Variants in CNIH3 observed in about 807,000 individuals in gnomAD.
CNIH3 encodes protein cornichon homolog 3.
A neutral mutation model predicts 24.1 loss-of-function variants in CNIH3; 14 were observed. That is an observed-to-expected ratio of 0.58 (90% CI 0.38 to 0.91). The LOEUF (loss-of-function observed/expected upper bound fraction) is 0.91, where lower values mean the gene tolerates loss of function less well. CNIH3 is among the 40% of genes least tolerant of loss of function. CNIH3 has a pLI of 0.00. For missense variants in CNIH3, 178 were observed against 196.8 expected, an observed-to-expected ratio of 0.90 and a Z score of 0.57; for synonymous variants, 68 against 73.8, an observed-to-expected ratio of 0.92 and a Z score of 0.40.
intron 4 of CNIH3, among the ~76,000 whole-genome samples, chr1:224,573,923 T>TA (rs1025517980): frequency 1.3e-5 from 2 of 151,824 alleles, no homozygotes; most frequent in African/African-American, 2.4e-5. Flanking sequence ...TATGTTCTTT[T>TA]AAAAAAAAGC....
intron 1 of CNIH3, among the ~76,000 whole-genome samples, chr1:224,441,069 G>A (rs1043016066): frequency 2.6e-5 from 4 of 152,124 alleles, no homozygotes; most frequent in African/African-American, 9.7e-5. Flanking sequence ...GCCCCCCTCG[G>A]CCTCCCAAAG....
chr1:224,494,739 C>T (rs1677366457), intron 1 of CNIH3, among the ~76,000 whole-genome samples: 1 of 152,158 alleles, frequency 6.6e-6, no homozygotes, highest in African/African-American at 2.4e-5. Flanking sequence ...TAACAGGTGG[C>T]CCAGGTCAGG....
At position 224,616,518 on chromosome 1, in the gene CNIH3, G is replaced by A; in HGVS notation, c.-657G>A. 1 of 987,586 alleles carries A rather than the reference G, an allele frequency of 1.0e-6. No individual in the cohort carries two copies. Among genetic ancestry groups the A allele is most frequent in the South Asian group, 4.6e-5 (1 of 21,950 alleles). The allele number at this position is 987,586 out of a possible 1,614,324, so 61.2% of individuals were successfully genotyped here. A position where few individuals can be genotyped will look rare whatever the true frequency, so the allele number is the denominator to read the frequency against. ...CCGGCTGGCCGGAGTCACGGTTGGG[G>A]ACGGGCGCGCCTCGGAGCGCACGGC... On this transcript the variant is annotated 5_prime_UTR_variant, in exon 1 of 6. Coordinates refer to ENST00000272133, the MANE Select transcript of CNIH3 (RefSeq NM_152495.2).
rs952396386 is a variant in CNIH3 at position 224,650,574 on chromosome 1, G to A, written c.82-30384G>A. ...CTGTTCTTGGCTCTGGGACTTTGGG[G>A]CTGTTGTGTTGGCAAAACTTGGTGG... On this transcript the variant is annotated intron_variant, in intron 1 of 5. Transcript: ENST00000272133. Among the ~76,000 whole-genome samples the A allele has an allele frequency of 2.5e-4, 38 of 151,898 alleles. 1 individual carries two copies. Among genetic ancestry groups the A allele is most frequent in the Admixed American group, 5.9e-4 (9 of 15,238 alleles).
intron 2 of CNIH3, among the ~76,000 whole-genome samples, chr1:224,525,494 T>C (rs1444509326): frequency 1.3e-5 from 2 of 152,318 alleles, no homozygotes; most frequent in African/African-American, 4.8e-5. Flanking sequence ...AGTCAGGGTG[T>C]GTCCTTGTGA....
At chr1:224,590,349 T>C (rs1175757621), downstream of CNIH3, among the ~76,000 whole-genome samples, 1 of 152,248 alleles carries the variant, frequency 6.6e-6, no homozygotes, top group Non-Finnish European at 1.5e-5. Context: ...CTCCCTTTTT[T>C]GTGTAACTGC....
chr1:224,694,241 A>G (rs770034324), intron 3 of CNIH3, among the ~76,000 whole-genome samples: 2 of 152,178 alleles, frequency 1.3e-5, no homozygotes, highest in African/African-American at 2.4e-5. Context: ...TGGAGAGAAC[A>G]CCTTCCTCAC....
chr1:224,597,174 CAAA>C (rs71725215), intron 3 of CNIH3, among the ~76,000 whole-genome samples: 3,960 of 146,960 alleles, frequency 0.027, 179 homozygotes, highest in African/African-American at 0.093. Flanking sequence ...AACAAACAAA[CAAA>C]AAAAAAAACA....
chr1:224,477,073 A>G (rs1372174051), intron 1 of CNIH3, among the ~76,000 whole-genome samples: 1 of 152,198 alleles, frequency 6.6e-6, no homozygotes, highest in Non-Finnish European at 1.5e-5. Flanking sequence ...GCTGGTGACC[A>G]GGGCTGAGAA....
intron 5 of CNIH3, among the ~76,000 whole-genome samples, chr1:224,584,730 ATAATTTG>A (rs36203245): frequency 0.29 from 29,703 of 104,146 alleles, 3,836 homozygotes; most frequent in African/African-American, 0.44. Context: ...TGGTTGTGAA[ATAATTTG>A]TAATTTGTTT....
intron 1 of CNIH3, among the ~76,000 whole-genome samples, chr1:224,632,841 C>T (rs1283558790): frequency 2.0e-5 from 3 of 152,146 alleles, no homozygotes; most frequent in East Asian, 3.9e-4. Flanking sequence ...ATCCTTTCCT[C>T]TTATTGGTTG....
intron 1 of CNIH3, among the ~76,000 whole-genome samples, chr1:224,676,608 A>T (rs555375564): frequency 3.9e-5 from 6 of 152,336 alleles, no homozygotes; most frequent in Non-Finnish European, 8.8e-5. Flanking sequence ...TGCTGGGCTG[A>T]AGGGTGCAAT....
chr1:224,602,098 C>T (rs1000650391), intron 3 of CNIH3, among the ~76,000 whole-genome samples: 2 of 152,320 alleles, frequency 1.3e-5, no homozygotes, highest in African/African-American at 2.4e-5. Flanking sequence ...TTAAATGTCT[C>T]ATTTAAAATA....
At chr1:224,550,854 T>TC (rs1470113202) in intron 3 of CNIH3, among the ~76,000 whole-genome samples, 1 of 78,814 alleles carries the variant, frequency 1.3e-5, no homozygotes, top group East Asian at 4.3e-4. Context: ...TCCCTCCCCC[T>TC]CCCCCCACCC....
intron 5 of CNIH3, among the ~76,000 whole-genome samples, chr1:224,738,849 T>G (rs1689725106): frequency 1.3e-5 from 2 of 152,270 alleles, no homozygotes; most frequent in South Asian, 2.1e-4. Flanking sequence ...CCCAGAGGGC[T>G]TATGTTCCCA....
intron 3 of CNIH3, among the ~76,000 whole-genome samples, chr1:224,723,768 G>A (rs1163933842): frequency 6.6e-6 from 1 of 152,228 alleles, no homozygotes; most frequent in Admixed American, 6.5e-5. Flanking sequence ...TCAGCCATGA[G>A]GGTCCAATTC....
intron 3 of CNIH3, among the ~76,000 whole-genome samples, chr1:224,698,575 T>C (rs1437917687): frequency 1.3e-5 from 2 of 152,240 alleles, no homozygotes; most frequent in Non-Finnish European, 2.9e-5. Flanking sequence ...TAGACTTTAA[T>C]ACATGCCATT....
intron 1 of CNIH3, among the ~76,000 whole-genome samples, chr1:224,655,347 C>T (rs776370480): frequency 6.6e-6 from 1 of 152,108 alleles, no homozygotes; most frequent in African/African-American, 2.4e-5. Flanking sequence ...CAAGGAAGGC[C>T]AGATGGTGCA....
At chr1:224,708,550 G>A (rs771845864) in intron 3 of CNIH3, among the ~76,000 whole-genome samples, 1 of 152,142 alleles carries the variant, frequency 6.6e-6, no homozygotes, top group Non-Finnish European at 1.5e-5. Context: ...TTGCAGTCCG[G>A]CAGATGTGCC....
Sources: allele counts gnomAD v4.1 joint callset (sites outside exome capture counted in the v4.1 genomes callset), GRCh38; gene constraint gnomAD v4.1.1; transcripts MANE v1.5; gene names NCBI Gene and HGNC (gene_info 2026-07-23, HGNC 2026-07-21).